MTHFD2L: variants seen among roughly 807,000 people sequenced by gnomAD.
MTHFD2L encodes bifunctional methylenetetrahydrofolate dehydrogenase/cyclohydrolase 2, mitochondrial.
In MTHFD2L, 29 loss-of-function variants were observed where a neutral mutation model predicts 34.9. The observed-to-expected ratio is 0.83, with a 90% confidence interval of 0.62 to 1.13. MTHFD2L has a LOEUF of 1.13. Ranked by LOEUF, MTHFD2L falls within the 50% of genes most tolerant of loss-of-function variation. The pLI is 0.00. For missense variants in MTHFD2L, 481 were observed against 446.5 expected, an observed-to-expected ratio of 1.08 and a Z score of -0.70; for synonymous variants, 167 against 155.7, an observed-to-expected ratio of 1.07 and a Z score of -0.54.
At chr4:74,228,481 G>T (rs1205941061) in intron 6 of MTHFD2L, among the ~76,000 whole-genome samples, 1 of 152,076 alleles carries the variant, frequency 6.6e-6, no homozygotes, top group Non-Finnish European at 1.5e-5. Context: ...ATATTATATT[G>T]AATGAGTATT....
chr4:74,157,602 T>C (rs993195286), upstream of MTHFD2L: 1 of 453,770 alleles, frequency 2.2e-6, no homozygotes, highest in Non-Finnish European at 4.4e-6. Flanking sequence ...AGTCCAGACC[T>C]TCCTTGTTCA....
rs911976662 is a variant in MTHFD2L, at chr4:74,253,375, AC to A, written c.805+27982del. On this transcript the variant is annotated intron_variant, in intron 6 of 7. Transcript: ENST00000325278. ...CTCACAGAAACATGAATTTGAACAA[AC>A]ATCCATTGCAAGAAAATATCTTTAT... is the stretch of plus-strand genomic sequence containing the variant. 4.1e-4 allele frequency among the ~76,000 whole-genome samples: 63 copies of A among 152,342 alleles called. 1 individual carries two copies. The highest frequency in any genetic ancestry group is 1.4e-3 in the African/African-American group (60 of 41,578).
intron 1 of MTHFD2L, among the ~76,000 whole-genome samples, chr4:74,149,148 T>C (rs1005116221): frequency 6.6e-6 from 1 of 151,928 alleles, no homozygotes; most frequent in African/African-American, 2.4e-5. Flanking sequence ...TCAATTCTGA[T>C]AGTGCCACTT....
chr4:74,291,003 C>T (rs201883611), intron 7 of MTHFD2L, among the ~76,000 whole-genome samples: 322 of 29,276 alleles, frequency 0.011, 10 homozygotes, highest in African/African-American at 0.032. Context: ...TTTTCCTTTT[C>T]TTTTTTTTTT....
At chr4:74,244,785 A>C (rs1045338597) in intron 6 of MTHFD2L, among the ~76,000 whole-genome samples, 1 of 152,194 alleles carries the variant, frequency 6.6e-6, no homozygotes, top group Non-Finnish European at 1.5e-5. Context: ...TCACTTGTCA[A>C]GTTTTGGTAT....
intron 3 of MTHFD2L, chr4:74,182,698 T>G (rs1730425367): frequency 6.6e-6 from 1 of 152,160 alleles, no homozygotes; most frequent in Non-Finnish European, 1.5e-5. Context: ...CATGTCCTCT[T>G]ATATTTTGGG....
intron 1 of MTHFD2L, among the ~76,000 whole-genome samples, chr4:74,173,754 CTTTAAA>C (rs1487845760): frequency 3.3e-5 from 5 of 152,054 alleles, no homozygotes; most frequent in African/African-American, 7.2e-5. Context: ...AATAGCAGAA[CTTTAAA>C]TTTAGGCAAT....
intron 5 of MTHFD2L, among the ~76,000 whole-genome samples, chr4:74,219,953 T>C (rs922014583): frequency 6.6e-6 from 1 of 152,140 alleles, no homozygotes; most frequent in Non-Finnish European, 1.5e-5. Flanking sequence ...TATCCTGATA[T>C]ACTTTTCTTT....
intron 3 of MTHFD2L, among the ~76,000 whole-genome samples, chr4:74,187,561 G>A (rs1212853520): frequency 1.3e-5 from 2 of 152,114 alleles, no homozygotes; most frequent in Non-Finnish European, 2.9e-5. Context: ...GTATTAACAA[G>A]ATACTACTGC....
At chr4:74,244,570 G>A (rs1026637312) in intron 6 of MTHFD2L, among the ~76,000 whole-genome samples, 2 of 152,090 alleles carry the variant, frequency 1.3e-5, no homozygotes, top group Admixed American at 6.5e-5. Flanking sequence ...TTTTTATATT[G>A]TATAATGATA....
At chr4:74,288,974 T>G (rs1366381291) in intron 7 of MTHFD2L, among the ~76,000 whole-genome samples, 1 of 152,178 alleles carries the variant, frequency 6.6e-6, no homozygotes, top group African/African-American at 2.4e-5. Context: ...ATTATTACTG[T>G]TTTTAGTGTA....
chr4:74,130,635 G>T (rs1000798102), intron 1 of MTHFD2L, among the ~76,000 whole-genome samples: 8 of 152,132 alleles, frequency 5.3e-5, no homozygotes, highest in Non-Finnish European at 1.2e-4. Flanking sequence ...ATATCATACT[G>T]ATTGGGCAAA....
At position 74,125,518 on chromosome 4, in the gene MTHFD2L, G is replaced by T. The variant is rs1437303608; in HGVS notation, c.-297+1G>T. On this transcript the variant is annotated splice_donor_variant, in intron 1 of 7. Coordinates refer to the MTHFD2L transcript ENST00000433372. LOFTEE classifies it low-confidence loss of function (5UTR_SPLICE). Reference sequence around the variant, plus strand: ...AGGTTGTGCAGATAGTCTGAAGGAGGTGAGTTAGTTTTTCCCACTTTCTCA... The same window carrying T: ...AGGTTGTGCAGATAGTCTGAAGGAGTTGAGTTAGTTTTTCCCACTTTCTCA... 1 of 152,130 alleles carries T rather than the reference G, an allele frequency of 6.6e-6. No homozygotes were observed. Among genetic ancestry groups the T allele is most frequent in the Non-Finnish European group, 1.5e-5 (1 of 68,010 alleles). 9.4% of individuals were successfully genotyped at this position (152,130 alleles called of 1,614,324 possible). A position where few individuals can be genotyped will look rare whatever the true frequency, so the allele number is the denominator to read the frequency against.
intron 7 of MTHFD2L, among the ~76,000 whole-genome samples, chr4:74,291,490 C>G (rs1233843702): frequency 6.6e-6 from 1 of 152,180 alleles, no homozygotes; most frequent in Non-Finnish European, 1.5e-5. Flanking sequence ...GTAATAGCAA[C>G]TATGTCATTA....
chr4:74,270,933 AT>A (rs913052236), intron 6 of MTHFD2L, among the ~76,000 whole-genome samples: 2 of 151,908 alleles, frequency 1.3e-5, no homozygotes, highest in Non-Finnish European at 2.9e-5. Flanking sequence ...GAGGATGAGC[AT>A]TTTTTCATGT....
chr4:74,196,154 T>G (rs1028988770), intron 3 of MTHFD2L, among the ~76,000 whole-genome samples: 1 of 152,164 alleles, frequency 6.6e-6, no homozygotes, highest in Admixed American at 6.5e-5. Flanking sequence ...TTAACTGAAC[T>G]AGTGTGCTAA....
intron 6 of MTHFD2L, among the ~76,000 whole-genome samples, chr4:74,232,331 C>T (rs1474755575): frequency 2.6e-5 from 4 of 152,126 alleles, no homozygotes; most frequent in Non-Finnish European, 4.4e-5. Context: ...GCCTCTCCCT[C>T]CTTTGGAACA....
intron 7 of MTHFD2L, among the ~76,000 whole-genome samples, chr4:74,291,608 G>A (rs1287178257): frequency 6.6e-6 from 1 of 152,046 alleles, no homozygotes; most frequent in East Asian, 1.9e-4. Context: ...TGAGGTCCTG[G>A]GTATATCTGT....
chr4:74,241,246 T>A (rs961701151), intron 6 of MTHFD2L, among the ~76,000 whole-genome samples: 3 of 152,198 alleles, frequency 2.0e-5, no homozygotes, highest in Middle Eastern at 3.2e-3. Context: ...TGCTGAGCTC[T>A]TTCCTCAAGC....
Sources: gnomAD v4.1 joint callset for allele counts (sites outside exome capture counted in the v4.1 genomes callset) on GRCh38, gnomAD v4.1.1 for gene constraint, MANE v1.5 for transcripts, NCBI Gene and HGNC (gene_info 2026-07-23, HGNC 2026-07-21) for gene names.